Variants in COL5A1 observed in about 807,000 individuals in gnomAD.
The protein encoded by COL5A1 is collagen alpha-1(V) chain.
A neutral mutation model predicts 263.7 loss-of-function variants in COL5A1; 16 were observed. The observed-to-expected ratio is 0.06, with a 90% CI of 0.04 to 0.09. The LOEUF is 0.09. COL5A1 is among the 10% of genes least tolerant of loss of function. The pLI, the probability that COL5A1 is intolerant of heterozygous loss-of-function variation, is 1.00. For synonymous variants in COL5A1, 1,012 were observed against 1,004.5 expected (o/e 1.01, Z -0.14); for missense variants, 2,036 against 2,540.5 (o/e 0.80, Z 4.27).
At chr9:134,774,793 T>C in intron 26 of COL5A1, 66 bp from the exon 27 acceptor site, 1 of 1,524,934 alleles carries the variant, frequency 6.6e-7, no homozygotes, top group Non-Finnish European at 9.0e-7. Flanking sequence ...CTCTGGAGTT[T>C]CCTGATGTTC....
intron 9 of COL5A1, among the ~76,000 whole-genome samples, chr9:134,734,045 C>T (rs1264586620): frequency 3.9e-5 from 6 of 152,008 alleles, no homozygotes; most frequent in Admixed American, 2.0e-4. Flanking sequence ...GAATGAGCTT[C>T]GTGTTGGCTC....
chr9:134,666,587 C>A (rs1370605677), intron 1 of COL5A1, among the ~76,000 whole-genome samples: 1 of 152,212 alleles, frequency 6.6e-6, no homozygotes, highest in East Asian at 1.9e-4. Flanking sequence ...TCCTGGATGA[C>A]TGAGAGCTCG....
intron 11 of COL5A1, among the ~76,000 whole-genome samples, chr9:134,745,239 C>T (rs1367896870): frequency 6.6e-6 from 1 of 152,176 alleles, no homozygotes; most frequent in East Asian, 1.9e-4. Context: ...TATACATTAT[C>T]ATATGGAAAA....
Position 134,821,972 on chromosome 9 carries a change from G to T in COL5A1, c.4555-125G>T, listed in dbSNP as rs2132874074. 1.2e-6 allele frequency: 1 copy of T among 847,932 alleles called. No homozygotes were observed. Among genetic ancestry groups the T allele is most frequent in the Admixed American group, 1.8e-5 (1 of 57,050 alleles). 52.5% of individuals were successfully genotyped at this position (847,932 alleles called of 1,614,324 possible). A position where few individuals can be genotyped will look rare whatever the true frequency, so the allele number is the denominator to read the frequency against. On this transcript the variant is annotated intron_variant, in intron 58 of 65. Transcript: ENST00000371817. The surrounding 1 kb of genome is among the most constrained non-coding windows in gnomAD (Gnocchi z 4.2). The stretch of plus-strand genomic sequence containing the variant: ...AAAGCAGCCACAGGAGGCTGCTGAG[G>T]GGCCAAAGGGCATACCGTGGGGAAG...
chr9:134,709,057 T>C, intron 4 of COL5A1: 1 of 414,516 alleles, frequency 2.4e-6, no homozygotes, highest in South Asian at 1.8e-5. Flanking sequence ...CATTTCCAGA[T>C]CCTTCATTCC....
At chr9:134,756,964 G>T (rs1448810233) in intron 17 of COL5A1, 146 bp downstream of exon 17, 7 of 814,402 alleles carry the variant, frequency 8.6e-6, no homozygotes, top group Middle Eastern at 2.5e-4. Context: ...TGAAGATAGG[G>T]TTGGTGGGTG....
rs921536980 is a variant in COL5A1, at chr9:134,818,679, T to C, written c.4254T>C (p.Pro1418=). Residue 1418 remains proline (P), a synonymous_variant, in exon 55 of 66, where the codon CCT becomes CCC. Transcript: ENST00000371817. This position sits in a 1 kb window ranked among gnomAD's most constrained non-coding sequence, Gnocchi z 6.0. ...AGGGAGAAGCCGGCTTGGAAGGCCC[T>C]CCTGGGAAGACTGGCCCCATCGGCC... The part of the protein sequence containing the change: ...GAKGEAGLEG[P]PGKTGPIGPQ... 3 of 1,608,004 alleles carry C rather than the reference T, an allele frequency of 1.9e-6. No homozygotes were observed. The South Asian group carries it at 3.3e-5, about 18-fold the overall frequency.
intron 11 of COL5A1, among the ~76,000 whole-genome samples, chr9:134,748,104 CACATGCATACACAG>C (rs1012263876): frequency 2.5e-5 from 2 of 79,358 alleles, no homozygotes; most frequent in African/African-American, 4.7e-5. Context: ...CATGCATCCA[CACATGCATACACAG>C]ACATGCATCC....
rs762580241 is a variant in COL5A1 at position 134,759,188 on chromosome 9, AGTAT to A, written c.1935+895_1935+898del. Among the ~76,000 whole-genome samples the A allele has an allele frequency of 5.9e-5, 9 of 151,808 alleles. No individual in the cohort carries two copies. In the South Asian group the frequency reaches 1.0e-3, roughly 18 times the overall value. ...CACACTGAGGACATACAGGCACATG[AGTAT>A]GTGAGTGCACACCCCCCATGCACAC... On this transcript the variant is annotated intron_variant, in intron 18 of 65. Coordinates refer to ENST00000371817, the MANE Select transcript of COL5A1 (RefSeq NM_000093.5).
rs1832836182 is a variant in COL5A1, at chr9:134,680,968, T to C, written c.110-9944T>C. On this transcript the variant is annotated intron_variant, in intron 1 of 65. Transcript: ENST00000371817. The surrounding 1 kb of genome is among the most constrained non-coding windows in gnomAD (Gnocchi z 5.9). ...GGGGGCAGCGGGAGAGGCCGGGCCA[T>C]CTGCCATCCTCCCAGGATGGTGTCC... 6.6e-6 allele frequency among the ~76,000 whole-genome samples: 1 copy of C among 152,186 alleles called. No individual in the cohort carries two copies. The highest frequency in any genetic ancestry group is 2.4e-5 in the African/African-American group (1 of 41,442).
At chr9:134,725,579 C>T (rs1024456497) in intron 4 of COL5A1, among the ~76,000 whole-genome samples, 1 of 152,186 alleles carries the variant, frequency 6.6e-6, no homozygotes, top group Non-Finnish European at 1.5e-5. Context: ...TTCCTACTAG[C>T]AGCCCTTTTA....
intron 4 of COL5A1, chr9:134,708,537 C>A (rs774256773): frequency 1.9e-6 from 1 of 515,884 alleles, no homozygotes; most frequent in Non-Finnish European, 3.9e-6. Flanking sequence ...CTGGTGCTTT[C>A]TGTAGGATCC....
intron 9 of COL5A1, among the ~76,000 whole-genome samples, chr9:134,737,313 C>T (rs1271952851): frequency 1.3e-5 from 2 of 152,334 alleles, no homozygotes; most frequent in East Asian, 3.9e-4. Context: ...AGAGCTGAGC[C>T]AGAGCTGCCC....
In COL5A1 at chr9:134,789,223, G is replaced by GC. The variant is rs757039159; in HGVS notation, c.2700+19dup. 35 of 1,610,304 alleles carry GC rather than the reference G, an allele frequency of 2.2e-5. No homozygotes were observed. Among genetic ancestry groups the GC allele is most frequent in the Non-Finnish European group, 2.6e-5 (31 of 1,178,054 alleles). On this transcript the variant is annotated intron_variant, in intron 32 of 65. Coordinates refer to ENST00000371817, the MANE Select transcript of COL5A1 (RefSeq NM_000093.5). This position sits in a 1 kb window ranked among gnomAD's most constrained non-coding sequence, Gnocchi z 4.8. ...AGGGCGGCAGGGTAAGGATAGCCTGGCCCCTGGGCAGGCAGCTTGTTCGGC... is the reference window on the plus strand; with the variant it reads ...AGGGCGGCAGGGTAAGGATAGCCTGGCCCCCTGGGCAGGCAGCTTGTTCGGC...
chr9:134,757,376 C>T lies in COL5A1; in HGVS notation c.1881+558C>T, dbSNP rs919169437. ...CCGGTCTTGGCTCACCCCTCCTCCTCGCCTCTTGGAAGCATTTGTCCCAGG... is the reference window on the plus strand; with the variant it reads ...CCGGTCTTGGCTCACCCCTCCTCCTTGCCTCTTGGAAGCATTTGTCCCAGG... On this transcript the variant is annotated intron_variant, in intron 17 of 65. Coordinates refer to ENST00000371817, the MANE Select transcript of COL5A1 (RefSeq NM_000093.5). The surrounding 1 kb of genome is among the most constrained non-coding windows in gnomAD (Gnocchi z 6.2). Among the ~76,000 whole-genome samples, 1 of 152,134 alleles carries T rather than the reference C, an allele frequency of 6.6e-6. No homozygotes were observed. The highest frequency in any genetic ancestry group is 1.5e-5 in the Non-Finnish European group (1 of 68,022).
Position 134,676,314 on chromosome 9 carries a change from G to A in COL5A1, c.110-14598G>A, listed in dbSNP as rs993544970. ...AGATGAAAGGGATTGTGCTTTATAA[G>A]GATTTCCATGGCTTAAGGACATGTT... On this transcript the variant is annotated intron_variant, in intron 1 of 65. Coordinates refer to ENST00000371817, the MANE Select transcript of COL5A1 (RefSeq NM_000093.5). Among the ~76,000 whole-genome samples the A allele has an allele frequency of 1.3e-4, 20 of 152,174 alleles. 1 individual carries two copies. The highest frequency in any genetic ancestry group is 2.9e-4 in the Non-Finnish European group (20 of 68,030).
intron 1 of COL5A1, among the ~76,000 whole-genome samples, chr9:134,679,303 A>G (rs1564381730): frequency 8.6e-6 from 1 of 115,848 alleles, no homozygotes; most frequent in Admixed American, 9.0e-5. Context: ...GGTTGGGGGT[A>G]CTGTGGGGCT....
chr9:134,690,979 A>G lies in COL5A1; in HGVS notation c.177A>G (p.Thr59=), dbSNP rs757379931. The G allele has an allele frequency of 1.2e-6, 2 of 1,613,872 alleles. No individual in the cohort carries two copies. Among genetic ancestry groups the G allele is most frequent in the Admixed American group, 1.7e-5 (1 of 60,026 alleles). ...HNLPDGITKT[T]GFCATRRSSK... is the part of the protein sequence containing the mutation. The stretch of plus-strand genomic sequence containing the variant: ...TGCCTGATGGAATAACAAAGACAAC[A>G]GGCTTTTGCGCCACGCGGCGATCTT... Residue 59 remains threonine (T), a synonymous_variant, in exon 2 of 66, where the codon ACA becomes ACG. Coordinates refer to ENST00000371817, the MANE Select transcript of COL5A1 (RefSeq NM_000093.5).
In COL5A1 at chr9:134,789,074, C is replaced by T. The variant is rs1837577915; in HGVS notation, c.2647-81C>T. 1.1e-5 allele frequency: 14 copies of T among 1,246,192 alleles called. No individual in the cohort carries two copies. The highest frequency in any genetic ancestry group is 1.5e-5 in the Non-Finnish European group (13 of 854,918). The allele number at this position is 1,246,192 out of a possible 1,614,324, so 77.2% of individuals were successfully genotyped here. A position where few individuals can be genotyped will look rare whatever the true frequency, so the allele number is the denominator to read the frequency against. On this transcript the variant is annotated intron_variant, in intron 31 of 65. Transcript: ENST00000371817. This position sits in a 1 kb window ranked among gnomAD's most constrained non-coding sequence, Gnocchi z 4.8. The stretch of plus-strand genomic sequence containing the variant: ...GGGGCAGAGGCTGTGCACTGGCATG[C>T]AGGTGGTCCCCCAGGCGGCCCATGC...
Sources: allele counts gnomAD v4.1 joint callset (sites outside exome capture counted in the v4.1 genomes callset), GRCh38; gene constraint gnomAD v4.1.1; non-coding constraint Gnocchi (gnomAD v3.1); transcripts MANE v1.5; gene names NCBI Gene and HGNC (gene_info 2026-07-23, HGNC 2026-07-21).